WDR93: variants seen among roughly 807,000 people sequenced by gnomAD.
The protein encoded by WDR93 is WD repeat domain 93, also known as WD repeat-containing protein 93.
Under a neutral mutation model 82.9 loss-of-function variants are expected in WDR93, and 73 were observed. The ratio of observed to expected loss-of-function variants is 0.88; its 90% CI spans 0.73 to 1.07. The LOEUF (loss-of-function observed/expected upper bound fraction) is 1.07, where lower values mean the gene tolerates loss of function less well. WDR93 is among the 50% of genes least tolerant of loss of function. The probability of loss-of-function intolerance (pLI) is 0.00; values close to 1 mark genes in which losing one functional copy is unlikely to be tolerated. For missense variants in WDR93, 738 were observed against 826.0 expected, an observed-to-expected ratio of 0.89 and a Z score of 1.31; for synonymous variants, 283 against 300.1, an observed-to-expected ratio of 0.94 and a Z score of 0.59.
intron 10 of WDR93, among the ~76,000 whole-genome samples, 181 bp from the exon 11 acceptor site, chr15:89,729,502 G>T (rs1413182967): frequency 6.6e-6 from 1 of 152,156 alleles, no homozygotes; most frequent in South Asian, 2.1e-4. Context: ...CCCTCATGGG[G>T]CTGCCCAGTC....
At chr15:89,730,516 A>C (rs571110225) in intron 11 of WDR93, among the ~76,000 whole-genome samples, 4 of 152,298 alleles carry the variant, frequency 2.6e-5, no homozygotes, top group Non-Finnish European at 5.9e-5. Context: ...GTTTGTTGAA[A>C]ATAGCAAAAT....
chr15:89,707,644 C>A (rs1965781573), intron 4 of WDR93, among the ~76,000 whole-genome samples: 1 of 151,986 alleles, frequency 6.6e-6, no homozygotes, highest in Admixed American at 6.6e-5. Flanking sequence ...AATAAAAACA[C>A]CATACCAAGT....
chr15:89,736,163 T>C (rs1967151131), intron 14 of WDR93, among the ~76,000 whole-genome samples: 1 of 152,202 alleles, frequency 6.6e-6, no homozygotes, highest in Non-Finnish European at 1.5e-5. Flanking sequence ...GATGGAGAGT[T>C]GAGAGATCTC....
chr15:89,690,476 A>G, upstream of WDR93: 1 of 812,804 alleles, frequency 1.2e-6, no homozygotes, highest in Non-Finnish European at 2.0e-6. Flanking sequence ...TCCTGCTTCC[A>G]TCTACTAGGC....
chr15:89,710,644 A>T (rs1247895965), intron 4 of WDR93, among the ~76,000 whole-genome samples: 1 of 152,236 alleles, frequency 6.6e-6, no homozygotes, highest in African/African-American at 2.4e-5. Flanking sequence ...AACTCATTTT[A>T]TGAGACCAGC....
intron 4 of WDR93, among the ~76,000 whole-genome samples, chr15:89,707,347 T>C (rs893026905): frequency 6.6e-6 from 1 of 152,160 alleles, no homozygotes; most frequent in Admixed American, 6.5e-5. Context: ...GGCCAGGAGT[T>C]TGAGACCACC....
At position 89,726,218 on chromosome 15, in the gene WDR93, T is replaced by G. The variant is rs529793201; in HGVS notation, c.881-939T>G. On this transcript the variant is annotated intron_variant, in intron 8 of 16. Transcript: ENST00000268130. Reference sequence around the variant, plus strand: ...TGGAAGGATTGCTTGAACCAAGGAGTTCAAGCCTAGCCTGGGCAATAGAAC... The same window carrying G: ...TGGAAGGATTGCTTGAACCAAGGAGGTCAAGCCTAGCCTGGGCAATAGAAC... Among the ~76,000 whole-genome samples the G allele has an allele frequency of 4.5e-4, 68 of 151,582 alleles. 1 individual carries two copies. The highest frequency in any genetic ancestry group is 6.8e-3 in the Middle Eastern group (2 of 292).
Position 89,735,523 on chromosome 15 carries a change from C to G in WDR93, c.1578C>G (p.Ala526=). 1 of 1,614,116 alleles carries G rather than the reference C, an allele frequency of 6.2e-7. No homozygotes were observed. Among genetic ancestry groups the G allele is most frequent in the Non-Finnish European group, 8.5e-7 (1 of 1,180,004 alleles). The change falls in exon 14 of 17, where the codon GCC becomes GCG. Residue 526 remains alanine (A), a synonymous_variant. Transcript: ENST00000268130. ...PVKHLDKTIC[A]VAPVPALPGM... is the part of the protein sequence containing the mutation. ...AGCACCTGGATAAAACCATCTGTGCCGTGGCCCCAGTCCCAGCCTTACCTG... is the reference window on the plus strand; with the variant it reads ...AGCACCTGGATAAAACCATCTGTGCGGTGGCCCCAGTCCCAGCCTTACCTG...
At chr15:89,735,836 T>A (rs1967122751) in intron 14 of WDR93, among the ~76,000 whole-genome samples, 2 of 152,170 alleles carry the variant, frequency 1.3e-5, no homozygotes, top group Admixed American at 1.3e-4. Flanking sequence ...GTCACCTAAC[T>A]CAACCTGCAG....
At chr15:89,693,281 A>C (rs1964993791) in intron 1 of WDR93, among the ~76,000 whole-genome samples, 1 of 152,228 alleles carries the variant, frequency 6.6e-6, no homozygotes, top group South Asian at 2.1e-4. Flanking sequence ...AAACTGCCAA[A>C]CTGTTTTCCA....
At chr15:89,707,606 C>T (rs575802794) in intron 4 of WDR93, among the ~76,000 whole-genome samples, 1 of 144,174 alleles carries the variant, frequency 6.9e-6, no homozygotes, top group East Asian at 1.9e-4. Flanking sequence ...AATAAAACAA[C>T]AAAGAAAAAA....
chr15:89,699,521 A>T (rs1339681322), intron 1 of WDR93, among the ~76,000 whole-genome samples: 1 of 151,982 alleles, frequency 6.6e-6, no homozygotes, highest in East Asian at 1.9e-4. Context: ...AATTTAGAAA[A>T]TTTTTGTTCA....
At chr15:89,741,199 C>T (rs1967646653) in intron 16 of WDR93, among the ~76,000 whole-genome samples, 1 of 152,114 alleles carries the variant, frequency 6.6e-6, no homozygotes, top group Non-Finnish European at 1.5e-5. Context: ...ATAAATCACA[C>T]CAGAATCTCT....
intron 5 of WDR93, among the ~76,000 whole-genome samples, chr15:89,713,693 G>A (rs1352461497): frequency 7.2e-5 from 11 of 151,940 alleles, no homozygotes; most frequent in African/African-American, 7.3e-5. Flanking sequence ...GGCTGGTCTC[G>A]AACTCCTGAG....
intron 8 of WDR93, among the ~76,000 whole-genome samples, chr15:89,725,250 A>G (rs113247359): frequency 2.0e-5 from 3 of 152,344 alleles, no homozygotes; most frequent in African/African-American, 7.2e-5. Flanking sequence ...CTATACAGCA[A>G]TGAAAAATGA....
chr15:89,703,629 C>G (rs953520919), intron 3 of WDR93: 1 of 156,678 alleles, frequency 6.4e-6, no homozygotes, highest in Middle Eastern at 3.2e-3. Flanking sequence ...TGGTTGCCCC[C>G]CAAAAGCTAG....
At chr15:89,704,694 G>T (rs987844112) in intron 3 of WDR93, 8 of 152,186 alleles carry the variant, frequency 5.3e-5, no homozygotes, top group African/African-American at 1.9e-4. Context: ...GTGCAGACTT[G>T]AGGCATCTAG....
rs549604485 is a variant in WDR93 at position 89,712,070 on chromosome 15, T to C, written c.606T>C (p.Ser202=). ...CTACCTGTATAAAGATGGAGATCTC[T>C]CAAGGAGGGGACTTTGCAGCCTTCC... ...KQTTCIKMEI[S]QGGDFAAFLL... Residue 202 remains serine, a synonymous_variant, in exon 5 of 17, where the codon TCT becomes TCC. Transcript: ENST00000268130. The C allele has an allele frequency of 6.2e-7, 1 of 1,613,420 alleles. No individual in the cohort carries two copies. Among genetic ancestry groups the C allele is most frequent in the African/African-American group, 1.3e-5 (1 of 75,040 alleles).
chr15:89,737,551 T>A, intron 14 of WDR93, 22 bp from the exon 15 acceptor site: 4 of 1,614,104 alleles, frequency 2.5e-6, no homozygotes, highest in Non-Finnish European at 3.4e-6. Flanking sequence ...GAAGCCCCCC[T>A]CACCATCTCT....
Sources: gnomAD v4.1 joint callset for allele counts (sites outside exome capture counted in the v4.1 genomes callset) on GRCh38, gnomAD v4.1.1 for gene constraint, MANE v1.5 for transcripts, NCBI Gene and HGNC (gene_info 2026-07-23, HGNC 2026-07-21) for gene names.